The following LPP variants were observed in gnomAD, a reference collection of about 807,000 sequenced individuals.
LPP encodes the protein LIM domain containing preferred translocation partner in lipoma.
LPP carries 38 observed loss-of-function variants against 60.4 expected under a neutral mutation model. That is an observed-to-expected ratio of 0.63 (90% CI 0.49 to 0.83). The LOEUF (loss-of-function observed/expected upper bound fraction) is 0.83, where lower values mean the gene tolerates loss of function less well. LPP is among the 40% of genes least tolerant of loss of function. The probability of loss-of-function intolerance (pLI) is 0.00; values close to 1 mark genes in which losing one functional copy is unlikely to be tolerated. For synonymous variants in LPP, 328 were observed against 290.8 expected, an observed-to-expected ratio of 1.13 and a Z score of -1.30; for missense variants, 902 against 783.6, an observed-to-expected ratio of 1.15 and a Z score of -1.80.
intron 7 of LPP, among the ~76,000 whole-genome samples, chr3:188,627,225 C>T (rs1847009686): frequency 6.6e-6 from 1 of 152,084 alleles, no homozygotes; most frequent in Admixed American, 6.6e-5. Context: ...CACTATAAAG[C>T]AACTATACTA....
intron 9 of LPP, among the ~76,000 whole-genome samples, chr3:188,843,515 C>CGG (rs1263686485): frequency 6.6e-6 from 1 of 152,036 alleles, no homozygotes; most frequent in African/African-American, 2.4e-5. Context: ...GGGCTGGGCG[C>CGG]GGTGGCTCAC....
At chr3:188,462,597 T>C (rs1394848959) in intron 4 of LPP, among the ~76,000 whole-genome samples, 2 of 45,726 alleles carry the variant, frequency 4.4e-5, no homozygotes, top group Non-Finnish European at 9.7e-5. Flanking sequence ...CATGTGTGTG[T>C]GTGTGTGTGT....
At chr3:188,339,663 A>G (rs1261039051) in intron 2 of LPP, among the ~76,000 whole-genome samples, 1 of 152,164 alleles carries the variant, frequency 6.6e-6, no homozygotes, top group Non-Finnish European at 1.5e-5. Context: ...TGAGAACAGC[A>G]TGGGGGAAAT....
chr3:188,762,321 C>T (rs1376427130), intron 9 of LPP, among the ~76,000 whole-genome samples: 1 of 152,078 alleles, frequency 6.6e-6, no homozygotes, highest in Admixed American at 6.6e-5. Flanking sequence ...TGAGACAATC[C>T]TAGTAAAGCA....
At chr3:188,628,431 C>T (rs1018826032) in intron 7 of LPP, among the ~76,000 whole-genome samples, 7 of 151,938 alleles carry the variant, frequency 4.6e-5, no homozygotes, top group Non-Finnish European at 8.8e-5. Flanking sequence ...CCACCAACCC[C>T]ACAGCAATAC....
intron 2 of LPP, among the ~76,000 whole-genome samples, chr3:188,303,677 A>G (rs1422519770): frequency 1.3e-5 from 2 of 152,134 alleles, no homozygotes; most frequent in African/African-American, 2.4e-5. Flanking sequence ...GAAGCAGGGC[A>G]CTTGTGGTGA....
intron 1 of LPP, among the ~76,000 whole-genome samples, chr3:188,178,157 T>G (rs1723639388): frequency 6.6e-6 from 1 of 152,148 alleles, no homozygotes; most frequent in Non-Finnish European, 1.5e-5. Context: ...CACTTGATAG[T>G]CAGTGCTGGG....
chr3:188,513,512 A>T (rs964873153), intron 5 of LPP, among the ~76,000 whole-genome samples: 1 of 152,084 alleles, frequency 6.6e-6, no homozygotes, highest in Non-Finnish European at 1.5e-5. Flanking sequence ...TCTTATTGTG[A>T]TTATTCTTAG....
intron 7 of LPP, among the ~76,000 whole-genome samples, chr3:188,630,512 G>A (rs1283516403): frequency 2.6e-5 from 4 of 152,154 alleles, no homozygotes; most frequent in Non-Finnish European, 5.9e-5. Flanking sequence ...GTGCACTCCT[G>A]TTGGGAATGT....
chr3:188,670,638 G>A lies in LPP; in HGVS notation c.1114-37629G>A, dbSNP rs571745963. ...ACTAAACTCACCTCCACGTTGGCAC[G>A]CACGTTACTTCCTCTTCCACTGTAT... On this transcript the variant is annotated intron_variant, in intron 7 of 11. Coordinates refer to ENST00000617246, the MANE Select transcript of LPP (RefSeq NM_001375462.1). Among the ~76,000 whole-genome samples the A allele has an allele frequency of 7.4e-4, 113 of 152,188 alleles. No individual in the cohort carries two copies. The Middle Eastern group carries it at 0.01, about 14-fold the overall frequency.
chr3:188,726,151 G>A (rs1028602266), intron 8 of LPP, among the ~76,000 whole-genome samples: 1 of 152,170 alleles, frequency 6.6e-6, no homozygotes, highest in African/African-American at 2.4e-5. Flanking sequence ...CTATTGTGGG[G>A]AGAGGTGTTC....
At chr3:188,344,455 T>A (rs1227011200) in intron 3 of LPP, among the ~76,000 whole-genome samples, 3 of 152,206 alleles carry the variant, frequency 2.0e-5, no homozygotes, top group African/African-American at 7.2e-5. Context: ...AGCTGTAATG[T>A]CACCTGGCTG....
At chr3:188,518,609 T>C (rs1289704258) in intron 5 of LPP, among the ~76,000 whole-genome samples, 1 of 152,220 alleles carries the variant, frequency 6.6e-6, no homozygotes, top group Non-Finnish European at 1.5e-5. Flanking sequence ...CTCAGGTCTG[T>C]AATTGAGCAG....
At chr3:188,330,015 C>A (rs1578139969) in intron 2 of LPP, among the ~76,000 whole-genome samples, 1 of 152,292 alleles carries the variant, frequency 6.6e-6, no homozygotes, top group East Asian at 1.9e-4. Context: ...ATTAAAGTTT[C>A]TTGCTCTCCC....
chr3:188,610,655 T>C lies in LPP; in HGVS notation c.1113+811T>C, dbSNP rs1371362172. Among the ~76,000 whole-genome samples the C allele has an allele frequency of 6.6e-6, 1 of 152,234 alleles. No homozygotes were observed. Among genetic ancestry groups the C allele is most frequent in the Admixed American group, 6.5e-5 (1 of 15,290 alleles). ...ATGTGGACCTTTTAAGTTAACACTC[T>C]CTGTTACTTCGTCTGAATAGGTAAG... On this transcript the variant is annotated intron_variant, in intron 7 of 11. Coordinates refer to ENST00000617246, the MANE Select transcript of LPP (RefSeq NM_001375462.1). This position sits in a 1 kb window ranked among gnomAD's most constrained non-coding sequence, Gnocchi z 4.4.
intron 4 of LPP, among the ~76,000 whole-genome samples, chr3:188,427,764 A>T (rs1044933457): frequency 6.6e-6 from 1 of 152,046 alleles, no homozygotes; most frequent in African/African-American, 2.4e-5. Flanking sequence ...CCCTCCCCCC[A>T]CCAAGCTGGA....
intron 8 of LPP, among the ~76,000 whole-genome samples, chr3:188,756,046 T>C (rs912278485): frequency 1.3e-5 from 2 of 151,964 alleles, no homozygotes; most frequent in Non-Finnish European, 2.9e-5. Context: ...AGGAGGTAAA[T>C]CAGAGATATC....
At chr3:188,206,475 A>G (rs2149158308) in intron 1 of LPP, among the ~76,000 whole-genome samples, 2 of 152,344 alleles carry the variant, frequency 1.3e-5, no homozygotes, top group Middle Eastern at 6.8e-3. Context: ...CTGACTAAGT[A>G]TATATAACTC....
At chr3:188,480,314 C>A (rs1017292047) in intron 4 of LPP, among the ~76,000 whole-genome samples, 1 of 152,198 alleles carries the variant, frequency 6.6e-6, no homozygotes, top group African/African-American at 2.4e-5. Flanking sequence ...CTACCTCTTG[C>A]ACCCAGCAAA....
Sources: gnomAD v4.1 joint callset for allele counts (sites outside exome capture counted in the v4.1 genomes callset) on GRCh38, gnomAD v4.1.1 for gene constraint, Gnocchi (gnomAD v3.1) non-coding constraint, MANE v1.5 for transcripts, NCBI Gene and HGNC (gene_info 2026-07-23, HGNC 2026-07-21) for gene names.